The following CCSER1 variants were observed in gnomAD, a reference collection of about 807,000 sequenced individuals.
The protein encoded by CCSER1 is coiled-coil serine rich protein 1.
A neutral mutation model predicts 82.0 loss-of-function variants in CCSER1; 41 were observed. The ratio of observed to expected loss-of-function variants is 0.50; its 90% CI spans 0.39 to 0.65. CCSER1 has a LOEUF of 0.65. Ranked by LOEUF, CCSER1 falls within the 30% of genes least tolerant of loss-of-function variation. The pLI is 0.00. For missense variants in CCSER1, 1,119 were observed against 1,064.2 expected (o/e 1.05, Z -0.72); for synonymous variants, 414 against 383.9 (o/e 1.08, Z -0.92).
chr4:90,818,694 G>A (rs1429418426), intron 8 of CCSER1, among the ~76,000 whole-genome samples: 3 of 152,168 alleles, frequency 2.0e-5, no homozygotes, highest in South Asian at 2.1e-4. Flanking sequence ...ATTGTAGGAC[G>A]TTTAGCAGCA....
chr4:90,216,484 A>G (rs565194022), intron 1 of CCSER1, among the ~76,000 whole-genome samples: 1 of 152,336 alleles, frequency 6.6e-6, no homozygotes, highest in South Asian at 2.1e-4. Flanking sequence ...TGACAGTCAG[A>G]GCAACTTATA....
In CCSER1 at chr4:91,030,303, G is replaced by A. The variant is rs181711846; in HGVS notation, c.2173-55647G>A. On this transcript the variant is annotated intron_variant, in intron 9 of 10. Transcript: ENST00000509176. The stretch of plus-strand genomic sequence containing the variant: ...GCCAACATTGTCCAAATGAACACTG[G>A]CGATGATGGAAATATTCCATATTTA... 1.1e-4 allele frequency among the ~76,000 whole-genome samples: 17 copies of A among 152,146 alleles called. No homozygotes were observed. The East Asian group carries it at 3.1e-3, about 28-fold the overall frequency.
intron 10 of CCSER1, among the ~76,000 whole-genome samples, chr4:91,147,453 CT>C (rs1443637490): frequency 6.6e-6 from 1 of 152,226 alleles, no homozygotes; most frequent in Non-Finnish European, 1.5e-5. Context: ...CACGCATACC[CT>C]CCTGCACCAG....
intron 7 of CCSER1, among the ~76,000 whole-genome samples, chr4:90,795,610 A>G (rs1755897569): frequency 6.6e-6 from 1 of 152,148 alleles, no homozygotes; most frequent in Non-Finnish European, 1.5e-5. Flanking sequence ...TTGCCCATTC[A>G]GTGTAGCGTT....
intron 10 of CCSER1, chr4:91,325,243 T>C: frequency 2.2e-6 from 1 of 450,354 alleles, no homozygotes; most frequent in South Asian, 1.6e-5. Flanking sequence ...CATCTAAGCC[T>C]GTGCACATGG....
chr4:91,189,838 AT>A (rs1262048947), intron 10 of CCSER1, among the ~76,000 whole-genome samples: 15 of 152,296 alleles, frequency 9.8e-5, no homozygotes, highest in Admixed American at 3.3e-4. Flanking sequence ...TTGAATAATA[AT>A]TTAACATTTG....
intron 10 of CCSER1, among the ~76,000 whole-genome samples, chr4:91,164,158 G>A (rs1409052015): frequency 6.6e-6 from 1 of 152,124 alleles, no homozygotes; most frequent in Non-Finnish European, 1.5e-5. Flanking sequence ...TTGCTTGTCT[G>A]TAAAGAATTT....
intron 3 of CCSER1, among the ~76,000 whole-genome samples, chr4:90,371,356 C>A (rs1475362695): frequency 6.6e-6 from 1 of 151,838 alleles, no homozygotes; most frequent in African/African-American, 2.4e-5. Flanking sequence ...ATTACACTAG[C>A]ATCTATAATT....
Position 91,326,496 on chromosome 4 carries a change from T to C in CCSER1, c.2217+240502T>C, listed in dbSNP as rs183051338. ...AATCACCTCCCACCAGGCCCTACCTTCAACACTGGGGGATAACAATTCATC... is the reference window on the plus strand; with the variant it reads ...AATCACCTCCCACCAGGCCCTACCTCCAACACTGGGGGATAACAATTCATC... On this transcript the variant is annotated intron_variant, in intron 10 of 10. Transcript: ENST00000509176. 6.3e-3 allele frequency among the ~76,000 whole-genome samples: 966 copies of C among 152,202 alleles called. 13 individuals carry two copies. Among genetic ancestry groups the C allele is most frequent in the African/African-American group, 0.022 (902 of 41,520 alleles).
At chr4:91,595,084 C>T (rs971645117) in intron 10 of CCSER1, among the ~76,000 whole-genome samples, 1 of 151,918 alleles carries the variant, frequency 6.6e-6, no homozygotes, top group Admixed American at 6.6e-5. Context: ...ACCTACTCAT[C>T]CAATACTATA....
At chr4:90,847,055 T>G (rs1763313997) in intron 8 of CCSER1, among the ~76,000 whole-genome samples, 1 of 152,214 alleles carries the variant, frequency 6.6e-6, no homozygotes, top group South Asian at 2.1e-4. Flanking sequence ...TGTAGCATAC[T>G]TTTACATTCA....
intron 10 of CCSER1, among the ~76,000 whole-genome samples, chr4:91,196,191 A>T (rs2149058160): frequency 6.6e-6 from 1 of 152,076 alleles, no homozygotes; most frequent in African/African-American, 2.4e-5. Flanking sequence ...AAAAAAAAAA[A>T]AAAAAAGACA....
intron 10 of CCSER1, among the ~76,000 whole-genome samples, chr4:91,184,673 G>T (rs945865223): frequency 6.6e-6 from 1 of 152,104 alleles, no homozygotes; most frequent in Non-Finnish European, 1.5e-5. Context: ...CATTTTAAAG[G>T]TATAGGTTCT....
chr4:90,154,543 C>A (rs1301586863), intron 1 of CCSER1, among the ~76,000 whole-genome samples: 1 of 149,736 alleles, frequency 6.7e-6, no homozygotes, highest in Admixed American at 6.6e-5. Context: ...TTTGTATCCT[C>A]TTTTATTTCC....
chr4:91,158,683 G>C (rs1391705608), intron 10 of CCSER1, among the ~76,000 whole-genome samples: 1 of 151,396 alleles, frequency 6.6e-6, no homozygotes, highest in Non-Finnish European at 1.5e-5. Flanking sequence ...GCAGGCAAAC[G>C]CACATGCACG....
intron 9 of CCSER1, among the ~76,000 whole-genome samples, chr4:90,958,887 C>T (rs576050377): frequency 1.3e-5 from 2 of 152,210 alleles, no homozygotes; most frequent in East Asian, 1.9e-4. Flanking sequence ...AGATACCATC[C>T]TTCTTCTGTC....
At chr4:90,332,716 A>T (rs977766594) in intron 3 of CCSER1, among the ~76,000 whole-genome samples, 1 of 152,164 alleles carries the variant, frequency 6.6e-6, no homozygotes, top group Non-Finnish European at 1.5e-5. Context: ...TTTGTGAATC[A>T]TGTGAGTGTT....
At chr4:90,555,013 T>C (rs1777944127) in intron 5 of CCSER1, among the ~76,000 whole-genome samples, 1 of 152,162 alleles carries the variant, frequency 6.6e-6, no homozygotes, top group Non-Finnish European at 1.5e-5. Context: ...CCTTCTTTAT[T>C]ATGCCAGATG....
chr4:90,742,803 T>C (rs1746761117), intron 7 of CCSER1, among the ~76,000 whole-genome samples: 1 of 152,228 alleles, frequency 6.6e-6, no homozygotes, highest in African/African-American at 2.4e-5. Context: ...TGTTTTATAA[T>C]GATATTGGGC....
Sources: gnomAD v4.1 joint callset for allele counts (sites outside exome capture counted in the v4.1 genomes callset) on GRCh38, gnomAD v4.1.1 for gene constraint, MANE v1.5 for transcripts, NCBI Gene and HGNC (gene_info 2026-07-23, HGNC 2026-07-21) for gene names.